Variants in APBA2 observed in about 807,000 individuals in gnomAD.
APBA2 encodes the protein amyloid beta precursor protein binding family A member 2.
Under a neutral mutation model 75.0 loss-of-function variants are expected in APBA2, and 30 were observed. That is an observed-to-expected ratio of 0.40 (90% CI 0.30 to 0.54). APBA2 has a LOEUF of 0.54. APBA2 is among the 20% of genes least tolerant of loss of function. The pLI, the probability that APBA2 is intolerant of heterozygous loss-of-function variation, is 0.49. For synonymous variants in APBA2, 444 were observed against 409.6 expected, an observed-to-expected ratio of 1.08 and a Z score of -1.01; for missense variants, 801 against 1,016.1, an observed-to-expected ratio of 0.79 and a Z score of 2.88.
intron 4 of APBA2, among the ~76,000 whole-genome samples, chr15:29,059,155 C>G (rs2042027148): frequency 2.0e-5 from 3 of 152,222 alleles, no homozygotes. Flanking sequence ...TTTCAGCTCT[C>G]ATACTGTAAA....
At chr15:29,014,148 C>T (rs1281132513) in intron 3 of APBA2, among the ~76,000 whole-genome samples, 3 of 152,208 alleles carry the variant, frequency 2.0e-5, no homozygotes, top group East Asian at 1.9e-4. Context: ...TTCCCTGAAT[C>T]GATGCCTGCT....
chr15:28,919,016 C>T (rs1236685672), intron 1 of APBA2, among the ~76,000 whole-genome samples: 1 of 152,214 alleles, frequency 6.6e-6, no homozygotes, highest in Non-Finnish European at 1.5e-5. Flanking sequence ...CCCGCCACCA[C>T]GCCCGGCTAA....
intron 2 of APBA2, among the ~76,000 whole-genome samples, chr15:28,941,522 AAAAG>A (rs1397581274): frequency 2.6e-5 from 4 of 151,646 alleles, no homozygotes; most frequent in Non-Finnish European, 5.9e-5. Context: ...AAAAAAAAAA[AAAAG>A]AGGTGGAAGC....
In APBA2 at chr15:29,054,553, G is replaced by A. The variant is rs1318158116; in HGVS notation, c.669G>A (p.Glu223=). 2 of 1,613,644 alleles carry A rather than the reference G, an allele frequency of 1.2e-6. No individual in the cohort carries two copies. Among genetic ancestry groups the A allele is most frequent in the African/African-American group, 2.7e-5 (2 of 74,952 alleles). The change falls in exon 4 of 15, where the codon GAG becomes GAA. Residue 223 remains glutamate (E), a synonymous_variant. Coordinates refer to ENST00000683413, the MANE Select transcript of APBA2 (RefSeq NM_001353788.2). The surrounding 1 kb of genome is among the most constrained non-coding windows in gnomAD (Gnocchi z 6.1). ...RRGDGDLEDQ[E]EDIDQIVAEI... ...GGGATGGGGACCTGGAGGACCAGGAGGAGGACATTGACCAGATCGTGGCAG... is the reference window on the plus strand; with the variant it reads ...GGGATGGGGACCTGGAGGACCAGGAAGAGGACATTGACCAGATCGTGGCAG...
intron 9 of APBA2, among the ~76,000 whole-genome samples, chr15:29,099,336 T>C (rs991116553): frequency 8.5e-5 from 13 of 152,192 alleles, no homozygotes; most frequent in Admixed American, 7.8e-4. Flanking sequence ...TTTCAGCAGA[T>C]GGCTCCAGAG....
chr15:28,922,424 G>C (rs1414206307), intron 2 of APBA2, among the ~76,000 whole-genome samples: 1 of 152,156 alleles, frequency 6.6e-6, no homozygotes, highest in Non-Finnish European at 1.5e-5. Context: ...ACATGTTCTC[G>C]AGCTGCCTGC....
At chr15:29,062,363 A>G (rs2042166244) in intron 4 of APBA2, among the ~76,000 whole-genome samples, 1 of 152,124 alleles carries the variant, frequency 6.6e-6, no homozygotes, top group Admixed American at 6.5e-5. Context: ...CAGGGTGGAC[A>G]CCGCACCTCC....
At chr15:28,969,128 T>TTTTCTTTTTC in intron 2 of APBA2, among the ~76,000 whole-genome samples, 1 of 137,026 alleles carries the variant, frequency 7.3e-6, no homozygotes. Context: ...TTTCATTTCT[T>TTTTCTTTTTC]TTTCTTTCTT....
At chr15:28,928,361 T>C (rs767279271) in intron 2 of APBA2, among the ~76,000 whole-genome samples, 66 of 152,128 alleles carry the variant, frequency 4.3e-4, no homozygotes, top group Non-Finnish European at 8.7e-4. Context: ...GTTTTTGTCC[T>C]CTGGCTCTGG....
intron 2 of APBA2, among the ~76,000 whole-genome samples, chr15:28,929,818 A>G (rs66743983): frequency 0.11 from 17,285 of 152,176 alleles, 1,040 homozygotes; most frequent in East Asian, 0.22. Flanking sequence ...TTTCTAAACC[A>G]TCACCATCTG....
chr15:29,049,347 A>G (rs1011257344), intron 3 of APBA2, among the ~76,000 whole-genome samples: 3 of 152,288 alleles, frequency 2.0e-5, no homozygotes, highest in Admixed American at 6.5e-5. Flanking sequence ...TGATGGGTTA[A>G]ATATTTCAGT....
chr15:28,997,687 A>G (rs187647128), intron 3 of APBA2, among the ~76,000 whole-genome samples: 32 of 152,342 alleles, frequency 2.1e-4, no homozygotes, highest in Admixed American at 2.0e-3. Flanking sequence ...CTGGGGTGTC[A>G]TTACATTCTG....
chr15:29,004,221 G>T (rs1226967041), intron 3 of APBA2, among the ~76,000 whole-genome samples: 1 of 152,190 alleles, frequency 6.6e-6, no homozygotes, highest in Non-Finnish European at 1.5e-5. Flanking sequence ...TGGCCTTTCA[G>T]GGTTGGAGAG....
chr15:28,906,685 C>A (rs1446060722), intron 1 of APBA2, among the ~76,000 whole-genome samples: 1 of 152,162 alleles, frequency 6.6e-6, no homozygotes. Context: ...TTTGTGGTTT[C>A]ATTCAGTCAT....
At chr15:28,981,402 A>G (rs1247049770) in intron 2 of APBA2, among the ~76,000 whole-genome samples, 2 of 152,232 alleles carry the variant, frequency 1.3e-5, no homozygotes, top group African/African-American at 4.8e-5. Context: ...AGCATATGAA[A>G]AAATGCTCAA....
At chr15:29,104,644 G>C (rs2044306708) in intron 10 of APBA2, among the ~76,000 whole-genome samples, 1 of 152,240 alleles carries the variant, frequency 6.6e-6, no homozygotes, top group South Asian at 2.1e-4. Flanking sequence ...CACATCCCTA[G>C]AAGAGCAGCC....
intron 1 of APBA2, among the ~76,000 whole-genome samples, chr15:28,919,939 T>A (rs2033885369): frequency 6.6e-6 from 1 of 152,182 alleles, no homozygotes; most frequent in African/African-American, 2.4e-5. Context: ...TGTAGCCCGA[T>A]GTCTTTGACT....
intron 2 of APBA2, among the ~76,000 whole-genome samples, chr15:28,936,905 G>A (rs958985783): frequency 6.6e-6 from 1 of 152,182 alleles, no homozygotes; most frequent in Non-Finnish European, 1.5e-5. Flanking sequence ...CATGCAGATG[G>A]TGGCCTCTAC....
At chr15:29,037,020 C>CAA (rs1012950085) in intron 3 of APBA2, among the ~76,000 whole-genome samples, 1 of 128,684 alleles carries the variant, frequency 7.8e-6, no homozygotes, top group South Asian at 2.4e-4. Context: ...ACCCTGTCTC[C>CAA]AAAAAAAAAA....
Sources: allele counts gnomAD v4.1 joint callset (sites outside exome capture counted in the v4.1 genomes callset), GRCh38; gene constraint gnomAD v4.1.1; non-coding constraint Gnocchi (gnomAD v3.1); transcripts MANE v1.5; gene names NCBI Gene and HGNC (gene_info 2026-07-23, HGNC 2026-07-21).